Variants in DYNC2H1 observed in about 807,000 individuals in gnomAD.
The protein encoded by DYNC2H1 is dynein cytoplasmic 2 heavy chain 1.
A neutral mutation model predicts 570.0 loss-of-function variants in DYNC2H1; 410 were observed. The ratio of observed to expected loss-of-function variants is 0.72; its 90% CI spans 0.66 to 0.78. The LOEUF (loss-of-function observed/expected upper bound fraction) is 0.78, where lower values mean the gene tolerates loss of function less well. Among genes scored for constraint, DYNC2H1 ranks in the 30% least tolerant of loss-of-function variants. The pLI is 0.00. For missense variants in DYNC2H1, 4,865 were observed against 5,046.4 expected, an observed-to-expected ratio of 0.96 and a Z score of 1.09; for synonymous variants, 1,688 against 1,677.6, an observed-to-expected ratio of 1.01 and a Z score of -0.15.
At position 103,448,364 on chromosome 11, in the gene DYNC2H1, A is replaced by G. The variant is rs140071987; in HGVS notation, c.12457-6822A>G. Among the ~76,000 whole-genome samples the G allele has an allele frequency of 4.4e-3, 673 of 152,236 alleles. 4 individuals are homozygous for G. Among genetic ancestry groups the G allele is most frequent in the African/African-American group, 0.015 (626 of 41,546 alleles). On this transcript the variant is annotated intron_variant, in intron 85 of 88. Transcript: ENST00000375735. Reference sequence around the variant, plus strand: ...CTATTTAACTTAAAACTGTTTCTAAAAAGATACCTCTTCCACAGGAAAATC... The same window carrying G: ...CTATTTAACTTAAAACTGTTTCTAAGAAGATACCTCTTCCACAGGAAAATC...
chr11:103,276,187 C>T (rs1245061158), intron 70 of DYNC2H1, among the ~76,000 whole-genome samples: 2 of 130,506 alleles, frequency 1.5e-5, no homozygotes, highest in Non-Finnish European at 3.2e-5. Flanking sequence ...TTATTGAGTA[C>T]TACACACACA....
chr11:103,139,077 T>C (rs1242177385), intron 17 of DYNC2H1, among the ~76,000 whole-genome samples: 2 of 151,152 alleles, frequency 1.3e-5, no homozygotes, highest in African/African-American at 4.8e-5. Context: ...TATCATTTTT[T>C]ATTGCATCTA....
intron 85 of DYNC2H1, among the ~76,000 whole-genome samples, chr11:103,449,680 C>A (rs1010511178): frequency 7.3e-6 from 1 of 137,930 alleles, no homozygotes; most frequent in African/African-American, 2.9e-5. Flanking sequence ...CATTATTATT[C>A]TTAATTAGAA....
At chr11:103,306,068 T>C (rs1468892254) in intron 77 of DYNC2H1, among the ~76,000 whole-genome samples, 2 of 151,976 alleles carry the variant, frequency 1.3e-5, no homozygotes, top group African/African-American at 4.8e-5. Context: ...TGCATCACCA[T>C]GCCTGGCTGA....
chr11:103,271,412 G>A (rs974502285), intron 70 of DYNC2H1, among the ~76,000 whole-genome samples: 1 of 152,170 alleles, frequency 6.6e-6, no homozygotes, highest in Non-Finnish European at 1.5e-5. Flanking sequence ...CAAGTTCAAT[G>A]TTATATAAAC....
At chr11:103,174,362 T>C (rs571234738) in intron 36 of DYNC2H1, among the ~76,000 whole-genome samples, 192 bp downstream of exon 36, 1 of 152,352 alleles carries the variant, frequency 6.6e-6, no homozygotes, top group African/African-American at 2.4e-5. Flanking sequence ...TCAACTTTGA[T>C]ACATTGTTTT....
intron 81 of DYNC2H1, among the ~76,000 whole-genome samples, chr11:103,322,416 G>C (rs1281805149): frequency 6.6e-6 from 1 of 152,054 alleles, no homozygotes; most frequent in African/African-American, 2.4e-5. Context: ...AGCCAGTTCT[G>C]GGGTCAAGAA....
At chr11:103,350,626 T>C (rs1940002526) in intron 82 of DYNC2H1, among the ~76,000 whole-genome samples, 1 of 152,188 alleles carries the variant, frequency 6.6e-6, no homozygotes, top group Non-Finnish European at 1.5e-5. Context: ...AACAGAAATT[T>C]ATTTTCTCAC....
chr11:103,298,022 A>G (rs1866904443), intron 75 of DYNC2H1, among the ~76,000 whole-genome samples: 1 of 152,078 alleles, frequency 6.6e-6, no homozygotes, highest in Admixed American at 6.6e-5. Context: ...TATCCTCAAC[A>G]TAGCTGCTAA....
chr11:103,374,982 C>A (rs1380128390), intron 83 of DYNC2H1, among the ~76,000 whole-genome samples: 2 of 152,214 alleles, frequency 1.3e-5, no homozygotes, highest in Non-Finnish European at 2.9e-5. Context: ...ATGGCAGCCC[C>A]TCCCTTCACA....
intron 83 of DYNC2H1, among the ~76,000 whole-genome samples, chr11:103,378,425 A>G (rs2135572631): frequency 6.6e-6 from 1 of 152,306 alleles, no homozygotes; most frequent in East Asian, 1.9e-4. Context: ...AGAGAAATCA[A>G]TACACTTACT....
In DYNC2H1 at chr11:103,261,097, T is replaced by C. The variant is rs1865263912; in HGVS notation, c.10695+1120T>C. On this transcript the variant is annotated intron_variant, in intron 70 of 88. Transcript: ENST00000375735. This position sits in a 1 kb window ranked among gnomAD's most constrained non-coding sequence, Gnocchi z 4.8. ...ATGTATTTTTAGAACAGGATAGTAA[T>C]TTTTGTGATTTTGTTGAGGATCTTT... is the stretch of plus-strand genomic sequence containing the variant. 6.6e-6 allele frequency among the ~76,000 whole-genome samples: 1 copy of C among 152,174 alleles called. No individual in the cohort carries two copies.
At chr11:103,393,774 G>A (rs1389114543) in intron 83 of DYNC2H1, among the ~76,000 whole-genome samples, 6 of 152,300 alleles carry the variant, frequency 3.9e-5, no homozygotes, top group African/African-American at 1.4e-4. Context: ...TGAACTTATA[G>A]TTCCATATGG....
intron 29 of DYNC2H1, among the ~76,000 whole-genome samples, chr11:103,162,116 AGCAACTGG>A (rs1345021959): frequency 1.3e-5 from 2 of 152,146 alleles, no homozygotes; most frequent in Non-Finnish European, 2.9e-5. Flanking sequence ...CTTAAATTTT[AGCAACTGG>A]GCTAGAGCAG....
chr11:103,113,199 A>G (rs1325987297), intron 1 of DYNC2H1, among the ~76,000 whole-genome samples: 1 of 152,166 alleles, frequency 6.6e-6, no homozygotes, highest in Non-Finnish European at 1.5e-5. Context: ...TTTCATCTGT[A>G]CTATTACTGA....
chr11:103,457,608 T>G (rs1376516556), intron 87 of DYNC2H1, among the ~76,000 whole-genome samples: 1 of 152,140 alleles, frequency 6.6e-6, no homozygotes, highest in Non-Finnish European at 1.5e-5. Context: ...TTTTTGACTC[T>G]TATAAATAAC....
At chr11:103,467,569 A>G (rs61904823) in intron 87 of DYNC2H1, among the ~76,000 whole-genome samples, 24,845 of 151,636 alleles carry the variant, frequency 0.16, 2,190 homozygotes, top group Admixed American at 0.25. Context: ...GCGGAGTCTC[A>G]CTCTGTCGCC....
rs1392893767 is a variant in DYNC2H1, at chr11:103,395,773, T to C, written c.12157-3890T>C. Among the ~76,000 whole-genome samples the C allele has an allele frequency of 6.6e-6, 1 of 152,128 alleles. No individual in the cohort carries two copies. The highest frequency in any genetic ancestry group is 6.6e-5 in the Admixed American group (1 of 15,260). On this transcript the variant is annotated intron_variant, in intron 83 of 88. Coordinates refer to ENST00000375735, the MANE Select transcript of DYNC2H1 (RefSeq NM_001377.3). The surrounding 1 kb of genome is among the most constrained non-coding windows in gnomAD (Gnocchi z 4.3). ...AGCCCCAATTCAAGTTGCAAATTAA[T>C]TTGTGGAACTGAGTTGAATCAACTC... is the stretch of plus-strand genomic sequence containing the variant.
chr11:103,197,451 A>G lies in DYNC2H1; in HGVS notation c.7709-482A>G, dbSNP rs910269775. Among the ~76,000 whole-genome samples, 4 of 151,748 alleles carry G rather than the reference A, an allele frequency of 2.6e-5. No individual in the cohort carries two copies. In the South Asian group the frequency reaches 8.3e-4, roughly 32 times the overall value. On this transcript the variant is annotated intron_variant, in intron 47 of 88. Transcript: ENST00000375735. ...TTGAAGGTCTTTGTATTTCTTTTCT[A>G]TTTATTTATTTTTTTGAGATAGATC...
Sources: gnomAD v4.1 joint callset for allele counts (sites outside exome capture counted in the v4.1 genomes callset) on GRCh38, gnomAD v4.1.1 for gene constraint, Gnocchi (gnomAD v3.1) non-coding constraint, MANE v1.5 for transcripts, NCBI Gene and HGNC (gene_info 2026-07-23, HGNC 2026-07-21) for gene names.